Variants in SLC4A4 observed in about 807,000 individuals in gnomAD.
SLC4A4 encodes solute carrier family 4 member 4, also known as electrogenic sodium bicarbonate cotransporter 1.
In SLC4A4, 27 loss-of-function variants were observed where a neutral mutation model predicts 111.5. That is an observed-to-expected ratio of 0.24 (90% CI 0.18 to 0.33). The LOEUF (loss-of-function observed/expected upper bound fraction) is 0.33, where lower values mean the gene tolerates loss of function less well. Ranked by LOEUF, SLC4A4 falls within the 10% of genes least tolerant of loss-of-function variation. The pLI is 1.00. For synonymous variants in SLC4A4, 443 were observed against 463.4 expected (o/e 0.96, Z 0.57); for missense variants, 909 against 1,315.5 (o/e 0.69, Z 4.78).
At chr4:71,271,031 G>A (rs776820494) in intron 3 of SLC4A4, among the ~76,000 whole-genome samples, 16 of 152,158 alleles carry the variant, frequency 1.1e-4, no homozygotes, top group Non-Finnish European at 2.2e-4. Flanking sequence ...TAAGCATGGT[G>A]GCTGCTGTGG....
chr4:71,137,397 G>A (rs1430740539), intron 2 of SLC4A4, among the ~76,000 whole-genome samples: 1 of 152,076 alleles, frequency 6.6e-6, no homozygotes, highest in African/African-American at 2.4e-5. Context: ...TCCTCCTATG[G>A]CATGGAAAGT....
At chr4:71,534,451 A>G in intron 18 of SLC4A4, 63 bp downstream of exon 18, 5 of 1,520,106 alleles carry the variant, frequency 3.3e-6, no homozygotes, top group Admixed American at 1.7e-5. Context: ...TGAAAACACT[A>G]ATTGATTAAA....
intron 2 of SLC4A4, among the ~76,000 whole-genome samples, chr4:71,123,730 CAAG>C (rs1560731934): frequency 6.6e-6 from 1 of 152,112 alleles, no homozygotes; most frequent in Non-Finnish European, 1.5e-5. Flanking sequence ...GGTCTGTGAA[CAAG>C]AAGAATGATC....
intron 3 of SLC4A4, among the ~76,000 whole-genome samples, chr4:71,283,069 GT>G (rs1723649569): frequency 6.6e-6 from 1 of 152,156 alleles, no homozygotes; most frequent in Non-Finnish European, 1.5e-5. Flanking sequence ...CAAGTGTTCT[GT>G]CATGCATTTC....
intron 2 of SLC4A4, among the ~76,000 whole-genome samples, chr4:71,139,772 C>A (rs1025204379): frequency 6.6e-6 from 1 of 152,156 alleles, no homozygotes; most frequent in African/African-American, 2.4e-5. Flanking sequence ...TTGTTTCATG[C>A]ATAGAATGTG....
intron 4 of SLC4A4, among the ~76,000 whole-genome samples, chr4:71,340,936 C>G (rs1728859687): frequency 6.6e-6 from 1 of 152,046 alleles, no homozygotes; most frequent in Non-Finnish European, 1.5e-5. Context: ...CATAACAGAG[C>G]TTTTCTTTTA....
intron 3 of SLC4A4, among the ~76,000 whole-genome samples, chr4:71,316,995 C>T (rs769317614): frequency 1.3e-5 from 2 of 151,886 alleles, no homozygotes; most frequent in African/African-American, 2.4e-5. Context: ...TAACAGGCTA[C>T]AGGCGTGCAC....
intron 3 of SLC4A4, among the ~76,000 whole-genome samples, chr4:71,283,179 A>G (rs1901710): frequency 0.032 from 4,902 of 152,236 alleles, 284 homozygotes; most frequent in African/African-American, 0.11. Context: ...TATATTTTGG[A>G]ACATCATTGA....
At chr4:71,154,762 A>T (rs981547405) in intron 2 of SLC4A4, among the ~76,000 whole-genome samples, 1 of 152,216 alleles carries the variant, frequency 6.6e-6, no homozygotes, top group Non-Finnish European at 1.5e-5. Flanking sequence ...AGAAGAAACT[A>T]GAAAAAAAGC....
chr4:71,387,145 C>T (rs985468120), intron 6 of SLC4A4, among the ~76,000 whole-genome samples: 8 of 152,212 alleles, frequency 5.3e-5, no homozygotes, highest in Admixed American at 4.6e-4. Flanking sequence ...CTCCATTGTA[C>T]TTGGCAGATT....
At chr4:71,298,564 T>C (rs1282166575) in intron 3 of SLC4A4, among the ~76,000 whole-genome samples, 1 of 152,226 alleles carries the variant, frequency 6.6e-6, no homozygotes, top group Non-Finnish European at 1.5e-5. Flanking sequence ...TATTCCACAC[T>C]TTTCAGAGAA....
At chr4:71,071,492 A>G (rs748279260) in intron 1 of SLC4A4, among the ~76,000 whole-genome samples, 2 of 152,178 alleles carry the variant, frequency 1.3e-5, no homozygotes, top group African/African-American at 2.4e-5. Context: ...TTGAGTAGGC[A>G]CAACATACAT....
intron 2 of SLC4A4, among the ~76,000 whole-genome samples, chr4:71,096,442 C>T (rs1344085171): frequency 2.0e-5 from 3 of 152,032 alleles, no homozygotes; most frequent in African/African-American, 4.8e-5. Context: ...GACGGTGAAT[C>T]GCAGAAGTGA....
At chr4:71,084,795 A>G (rs538334683) in intron 1 of SLC4A4, among the ~76,000 whole-genome samples, 1 of 152,032 alleles carries the variant, frequency 6.6e-6, no homozygotes, top group Non-Finnish European at 1.5e-5. Context: ...TTCTTAATCC[A>G]GTCTACTATT....
intron 2 of SLC4A4, among the ~76,000 whole-genome samples, chr4:71,101,266 C>CA (rs1211339741): frequency 1.3e-5 from 2 of 151,174 alleles, no homozygotes; most frequent in African/African-American, 4.9e-5. Context: ...CTCAAAAAAA[C>CA]AAAAAAACAA....
chr4:71,068,487 C>T (rs1422908885), intron 1 of SLC4A4, among the ~76,000 whole-genome samples: 2 of 152,100 alleles, frequency 1.3e-5, no homozygotes, highest in African/African-American at 4.8e-5. Context: ...TAGGCATTAC[C>T]TACTCCCAAG....
At chr4:71,511,741 C>T (rs1731941145) in intron 16 of SLC4A4, among the ~76,000 whole-genome samples, 2 of 151,884 alleles carry the variant, frequency 1.3e-5, no homozygotes, top group South Asian at 4.2e-4. Flanking sequence ...ATCATTATAC[C>T]TATAACCAAA....
rs996567623 is a variant in SLC4A4 at position 71,070,491 on chromosome 4, A to G, written c.-65+7703A>G. On this transcript the variant is annotated intron_variant, in intron 1 of 26. Transcript: ENST00000649996. ...TTTCATATTTTATTGGCCAAAGTCA[A>G]TGGCCAGTCTCCAGGTAATAGGGAA... 6.6e-5 allele frequency among the ~76,000 whole-genome samples: 10 copies of G among 152,306 alleles called. No homozygotes were observed. The East Asian group carries it at 7.7e-4, about 12-fold the overall frequency.
intron 7 of SLC4A4, among the ~76,000 whole-genome samples, chr4:71,413,937 C>T (rs1721614947): frequency 1.3e-5 from 2 of 152,086 alleles, no homozygotes; most frequent in South Asian, 4.1e-4. Flanking sequence ...TTTCTTGAGC[C>T]ACAAAAATCT....
Sources: allele counts gnomAD v4.1 joint callset (sites outside exome capture counted in the v4.1 genomes callset), GRCh38; gene constraint gnomAD v4.1.1; transcripts MANE v1.5; gene names NCBI Gene and HGNC (gene_info 2026-07-23, HGNC 2026-07-21).